The following TMEM39A variants were observed in gnomAD, a reference collection of about 807,000 sequenced individuals.
TMEM39A encodes the protein suppressor of SQST-1 aggregates in rpl-43 mutants.
A neutral mutation model predicts 51.9 loss-of-function variants in TMEM39A; 19 were observed. The observed-to-expected ratio is 0.37, with a 90% confidence interval of 0.26 to 0.54. The LOEUF (loss-of-function observed/expected upper bound fraction) is 0.54. TMEM39A is among the 20% of genes least tolerant of loss of function. The pLI is 0.88. For synonymous variants in TMEM39A, 197 were observed against 220.2 expected (o/e 0.89, Z 0.93); for missense variants, 433 against 590.5 (o/e 0.73, Z 2.76).
intron 8 of TMEM39A, 144 bp from the exon 9 acceptor site, chr3:119,432,358 C>A: frequency 1.9e-6 from 1 of 534,092 alleles, no homozygotes; most frequent in Non-Finnish European, 3.2e-6. Context: ...TAATATCAAT[C>A]AGGCTATTTC....
intron 5 of TMEM39A, among the ~76,000 whole-genome samples, chr3:119,446,239 T>C (rs2081123092): frequency 6.6e-6 from 1 of 152,222 alleles, no homozygotes; most frequent in Non-Finnish European, 1.5e-5. Context: ...GGAAGCACTT[T>C]ACAGCTTTCC....
At chr3:119,457,489 C>A (rs1322347154) in intron 3 of TMEM39A, among the ~76,000 whole-genome samples, 1 of 152,184 alleles carries the variant, frequency 6.6e-6, no homozygotes, top group Non-Finnish European at 1.5e-5. Flanking sequence ...AAGAAACTGT[C>A]CTTTACATTG....
intron 5 of TMEM39A, among the ~76,000 whole-genome samples, chr3:119,442,539 TCCTC>T (rs1394595592): frequency 6.6e-6 from 1 of 152,124 alleles, no homozygotes; most frequent in Admixed American, 6.5e-5. Flanking sequence ...AAATAGAGAT[TCCTC>T]CAATGGATCT....
intron 5 of TMEM39A, 128 bp downstream of exon 5, chr3:119,446,890 T>G (rs2081132840): frequency 5.6e-6 from 6 of 1,080,174 alleles, no homozygotes; most frequent in Non-Finnish European, 7.8e-6. Flanking sequence ...TGCTCATGGA[T>G]TTCCCAGTTT....
chr3:119,457,081 C>T (rs1241793233), intron 3 of TMEM39A, among the ~76,000 whole-genome samples: 2 of 152,058 alleles, frequency 1.3e-5, no homozygotes, highest in African/African-American at 2.4e-5. Flanking sequence ...TGCCATTCTC[C>T]GGCCTCAGCC....
chr3:119,463,049 G>T lies in TMEM39A; in HGVS notation c.-75+287C>A, dbSNP rs898230571. On this transcript the variant is annotated intron_variant, in intron 1 of 8. Coordinates refer to ENST00000319172, the MANE Select transcript of TMEM39A (RefSeq NM_018266.3). Reference sequence around the variant, plus strand: ...TGCTCCCTATTCCTAACAGCCTTCGGCTGTAAACTAACCCCAAGTCAAACA... The same window carrying T: ...TGCTCCCTATTCCTAACAGCCTTCGTCTGTAAACTAACCCCAAGTCAAACA... Among the ~76,000 whole-genome samples the T allele has an allele frequency of 4.6e-5, 7 of 152,314 alleles. No individual in the cohort carries two copies. In the East Asian group the frequency reaches 9.6e-4, roughly 21 times the overall value.
At chr3:119,448,648 CACATAGCTTCATATAACTCCCCTGAT>C (rs2081159114) in intron 4 of TMEM39A, among the ~76,000 whole-genome samples, 2 of 152,218 alleles carry the variant, frequency 1.3e-5, no homozygotes, top group South Asian at 4.1e-4. Flanking sequence ...CATAGCCTGG[CACATAGCTTCATATAACTCCCCTGAT>C]ACATACCTTC....
intron 4 of TMEM39A, among the ~76,000 whole-genome samples, chr3:119,450,803 G>A (rs2081187592): frequency 7.8e-6 from 1 of 128,130 alleles, no homozygotes. Context: ...CTTCAACCTA[G>A]GCGACAGAGC....
intron 5 of TMEM39A, 108 bp from the exon 6 acceptor site, chr3:119,438,211 G>A (rs1398513325): frequency 1.0e-5 from 8 of 781,718 alleles, no homozygotes; most frequent in South Asian, 7.2e-5. Context: ...GTCAGGACCC[G>A]CAGGAGTAAA....
intron 3 of TMEM39A, 84 bp from the exon 4 acceptor site, chr3:119,452,614 T>A: frequency 9.4e-7 from 1 of 1,064,170 alleles, no homozygotes; most frequent in Non-Finnish European, 1.4e-6. Flanking sequence ...GGTTTATCCC[T>A]CAAAAGATCT....
intron 4 of TMEM39A, among the ~76,000 whole-genome samples, chr3:119,447,602 T>C (rs1227260969): frequency 1.3e-5 from 2 of 151,866 alleles, no homozygotes; most frequent in African/African-American, 2.4e-5. Flanking sequence ...TAACCAGTGT[T>C]TTATTTATTT....
In TMEM39A at chr3:119,437,614, G is replaced by C; in HGVS notation, c.924+141C>G. ...TATCCGCCAACCAGGAGCGGTATTA[G>C]TGCACTCCAGATGCAGCCGAACTCC... On this transcript the variant is annotated intron_variant, in intron 6 of 8. Transcript: ENST00000319172. 1.5e-5 allele frequency: 9 copies of C among 600,542 alleles called. No homozygotes were observed. The South Asian group carries it at 2.6e-4, about 17-fold the overall frequency. The allele number at this position is 600,542 out of a possible 1,614,324, so 37.2% of individuals were successfully genotyped here. A position where few individuals can be genotyped will look rare whatever the true frequency, so the allele number is the denominator to read the frequency against.
Position 119,462,033 on chromosome 3 carries a change from G to A in TMEM39A, c.42C>T (p.Ser14=). 6.2e-7 allele frequency: 1 copy of A among 1,614,144 alleles called. No homozygotes were observed. The highest frequency in any genetic ancestry group is 1.3e-5 in the African/African-American group (1 of 75,058). ...GRRGPSRQQL[S]RSALPSLQTL... ...TCTGCAAAGAAGGTAAAGCTGAACG[G>A]CTTAGCTGTTGCCGACTAGGGCCCC... Residue 14 remains serine (S), a synonymous_variant, in exon 2 of 9, where the codon AGC becomes AGT. Transcript: ENST00000319172.
rs941913989 is a variant in TMEM39A, at chr3:119,429,203, T to C, written c.*2778A>G. 3.8e-4 allele frequency among the ~76,000 whole-genome samples: 58 copies of C among 150,892 alleles called. No homozygotes were observed. The highest frequency in any genetic ancestry group is 1.4e-3 in the African/African-American group (57 of 41,028). On this transcript the variant is annotated 3_prime_UTR_variant, in exon 9 of 9. Coordinates refer to ENST00000319172, the MANE Select transcript of TMEM39A (RefSeq NM_018266.3). ...GGCTAGCTTAATAGAAATAAAAAAA[T>C]TAATTAAAAAAAAGAGAGAGAAACG...
intron 3 of TMEM39A, among the ~76,000 whole-genome samples, chr3:119,453,963 G>A (rs1170815635): frequency 6.6e-6 from 1 of 152,162 alleles, no homozygotes; most frequent in African/African-American, 2.4e-5. Flanking sequence ...TGGTGGTTAG[G>A]GAGGCTATCT....
Position 119,438,071 on chromosome 3 carries a change from T to G in TMEM39A, c.608A>C (p.His203Pro), listed in dbSNP as rs190134095. ...AAGAAGATGTGCTCTACTATCTTGA[T>G]GAAAACAGCAAAGAGGAACATAAAC... ...FGVYVPLCCF[H>P]QDSRAHLLLT... Residue 203 changes from histidine (H) to proline (P), a missense_variant, in exon 6 of 9, where the codon CAT becomes CCT. Transcript: ENST00000319172. 2 of 1,594,844 alleles carry G rather than the reference T, an allele frequency of 1.3e-6. No individual in the cohort carries two copies. Among genetic ancestry groups the G allele is most frequent in the South Asian group, 1.1e-5 (1 of 90,720 alleles).
intron 4 of TMEM39A, among the ~76,000 whole-genome samples, chr3:119,448,748 T>A (rs769487155): frequency 4.6e-5 from 7 of 151,856 alleles, no homozygotes; most frequent in Non-Finnish European, 8.8e-5. Flanking sequence ...GTTACTCTAT[T>A]ACCTCCTTCT....
chr3:119,462,509 A>G (rs1295970211), intron 1 of TMEM39A, among the ~76,000 whole-genome samples: 1 of 152,078 alleles, frequency 6.6e-6, no homozygotes, highest in African/African-American at 2.4e-5. Context: ...AAGAATTGGC[A>G]CTTTATAAAA....
chr3:119,438,472 C>T (rs2081005005), intron 5 of TMEM39A, among the ~76,000 whole-genome samples: 2 of 152,058 alleles, frequency 1.3e-5, no homozygotes, highest in Admixed American at 1.3e-4. Context: ...TCATACAGTA[C>T]CATGTGTTTT....
Sources: allele counts gnomAD v4.1 joint callset (sites outside exome capture counted in the v4.1 genomes callset), GRCh38; gene constraint gnomAD v4.1.1; transcripts MANE v1.5; gene names NCBI Gene and HGNC (gene_info 2026-07-23, HGNC 2026-07-21).